Variants in DENND5A observed in about 807,000 individuals in gnomAD.
DENND5A encodes DENN domain containing 5A, also known as DENN domain-containing protein 5A.
A neutral mutation model predicts 140.3 loss-of-function variants in DENND5A; 64 were observed. The observed-to-expected ratio is 0.46, with a 90% CI of 0.37 to 0.56. The LOEUF is 0.56. Ranked by LOEUF, DENND5A falls within the 20% of genes least tolerant of loss-of-function variation. DENND5A has a pLI of 0.00. For synonymous variants in DENND5A, 605 were observed against 607.7 expected (o/e 1.00, Z 0.07); for missense variants, 1,292 against 1,593.8 (o/e 0.81, Z 3.22).
At chr11:9,192,309 C>T (rs1180622719) in intron 5 of DENND5A, among the ~76,000 whole-genome samples, 1 of 152,164 alleles carries the variant, frequency 6.6e-6, no homozygotes, top group Non-Finnish European at 1.5e-5. Flanking sequence ...GGGCCCCTCA[C>T]TTATATTCCT....
At chr11:9,220,919 C>T (rs184324120) in intron 1 of DENND5A, among the ~76,000 whole-genome samples, 2 of 150,254 alleles carry the variant, frequency 1.3e-5, no homozygotes, top group African/African-American at 4.9e-5. Context: ...TGTGTGTACA[C>T]ACACACACAT....
chr11:9,208,851 G>A (rs1849777245), intron 1 of DENND5A, among the ~76,000 whole-genome samples: 2 of 152,220 alleles, frequency 1.3e-5, no homozygotes, highest in Non-Finnish European at 2.9e-5. Flanking sequence ...TCAGCAGGCA[G>A]CTGGTAATAG....
intron 14 of DENND5A, 95 bp downstream of exon 14, chr11:9,150,585 T>C: frequency 1.3e-6 from 1 of 790,874 alleles, no homozygotes; most frequent in Non-Finnish European, 2.1e-6. Context: ...TGAGATGCTG[T>C]AGCAGCCACT....
At chr11:9,234,134 T>C (rs567574774) in intron 1 of DENND5A, among the ~76,000 whole-genome samples, 24 of 150,104 alleles carry the variant, frequency 1.6e-4, no homozygotes, top group African/African-American at 5.4e-4. Flanking sequence ...GCCATGATCG[T>C]GCCACTGCAC....
intron 12 of DENND5A, 107 bp from the exon 13 acceptor site, chr11:9,152,549 T>G: frequency 1.3e-6 from 1 of 782,742 alleles, no homozygotes; most frequent in East Asian, 2.4e-5. Context: ...TACTGTTTCT[T>G]GTTTCAATGT....
intron 1 of DENND5A, among the ~76,000 whole-genome samples, chr11:9,238,452 C>T (rs1300475368): frequency 6.6e-6 from 1 of 150,744 alleles, no homozygotes; most frequent in Non-Finnish European, 1.5e-5. Context: ...GATGCAGTCG[C>T]GCTCTGTCAC....
chr11:9,258,667 C>T (rs115717695), intron 1 of DENND5A, among the ~76,000 whole-genome samples: 2 of 152,086 alleles, frequency 1.3e-5, no homozygotes, highest in African/African-American at 4.8e-5. Flanking sequence ...TTGTTCCCCC[C>T]GCATCCACCA....
intron 1 of DENND5A, among the ~76,000 whole-genome samples, chr11:9,231,816 T>TTCTC (rs910557270): frequency 6.6e-6 from 1 of 151,872 alleles, no homozygotes; most frequent in African/African-American, 2.4e-5. Context: ...TAGTAATAAA[T>TTCTC]TCTCTCTCTT....
At chr11:9,212,904 T>C (rs1590283387) in intron 1 of DENND5A, among the ~76,000 whole-genome samples, 1 of 151,536 alleles carries the variant, frequency 6.6e-6, no homozygotes, top group South Asian at 2.1e-4. Flanking sequence ...GAGAGGAAGG[T>C]AGATGGGTGT....
At chr11:9,203,285 G>A (rs1160701780) in intron 4 of DENND5A, among the ~76,000 whole-genome samples, 1 of 152,168 alleles carries the variant, frequency 6.6e-6, no homozygotes, top group Non-Finnish European at 1.5e-5. Context: ...TATCCTTTGT[G>A]AATCCTCAAT....
chr11:9,247,213 G>C (rs369081633), intron 1 of DENND5A, among the ~76,000 whole-genome samples: 6 of 148,352 alleles, frequency 4.0e-5, no homozygotes, highest in Admixed American at 3.4e-4. Context: ...CTGGGCGACA[G>C]AGCGAGACTC....
intron 1 of DENND5A, among the ~76,000 whole-genome samples, chr11:9,263,051 A>T (rs923163603): frequency 6.6e-6 from 1 of 151,330 alleles, no homozygotes; most frequent in Admixed American, 6.6e-5. Context: ...TAAAACTAAA[A>T]TTTTTTTAAA....
intron 1 of DENND5A, among the ~76,000 whole-genome samples, chr11:9,249,263 C>T (rs11042242): frequency 0.34 from 50,981 of 151,826 alleles, 9,727 homozygotes; most frequent in African/African-American, 0.51. Context: ...TCCTCTGACA[C>T]TCCTGGAAAG....
At position 9,139,633 on chromosome 11, in the gene DENND5A, A is replaced by G. The variant is rs768652608; in HGVS notation, c.*38T>C. The G allele has an allele frequency of 1.9e-6, 3 of 1,593,408 alleles. No homozygotes were observed. The South Asian group carries it at 3.4e-5, about 18-fold the overall frequency. On this transcript the variant is annotated 3_prime_UTR_variant, in exon 23 of 23. Transcript: ENST00000328194. ...GAAAAAAGGTCAGAGCTGCAGGGTG[A>G]GTCTTTCTCAGTCCTGCTGCTGGCT...
Position 9,223,487 on chromosome 11 carries a change from C to G in DENND5A, c.110-15855G>C, listed in dbSNP as rs377431262. 1.1e-4 allele frequency among the ~76,000 whole-genome samples: 17 copies of G among 152,128 alleles called. No homozygotes were observed. The East Asian group carries it at 3.1e-3, about 28-fold the overall frequency. On this transcript the variant is annotated intron_variant, in intron 1 of 22. Coordinates refer to ENST00000328194, the MANE Select transcript of DENND5A (RefSeq NM_015213.4). ...CCTGGGAAGTGGAGGTTGCAGTGAG[C>G]CAAGATCTCACCATTGCACTCCAGC...
chr11:9,222,538 A>C (rs1298183523), intron 1 of DENND5A, among the ~76,000 whole-genome samples: 1 of 152,226 alleles, frequency 6.6e-6, no homozygotes, highest in East Asian at 1.9e-4. Context: ...CATTAGAAGA[A>C]AAAAAGGCAA....
chr11:9,229,329 G>C (rs1353940842), intron 1 of DENND5A, among the ~76,000 whole-genome samples: 1 of 152,038 alleles, frequency 6.6e-6, no homozygotes, highest in Non-Finnish European at 1.5e-5. Context: ...TGTCAGAGGT[G>C]TAATGCATGG....
intron 8 of DENND5A, among the ~76,000 whole-genome samples, chr11:9,177,265 A>AC: frequency 6.6e-6 from 1 of 151,382 alleles, no homozygotes; most frequent in East Asian, 1.9e-4. Context: ...AAAAAAAAAA[A>AC]AAAGAAAGAA....
chr11:9,197,501 G>A (rs1849372630), intron 4 of DENND5A, among the ~76,000 whole-genome samples: 2 of 151,136 alleles, frequency 1.3e-5, no homozygotes, highest in Admixed American at 1.3e-4. Context: ...TTTGAGACCA[G>A]GCTGGCCAAC....
Sources: gnomAD v4.1 joint callset for allele counts (sites outside exome capture counted in the v4.1 genomes callset) on GRCh38, gnomAD v4.1.1 for gene constraint, MANE v1.5 for transcripts, NCBI Gene and HGNC (gene_info 2026-07-23, HGNC 2026-07-21) for gene names.